The following IL15RA variants were observed in gnomAD, a reference collection of about 807,000 sequenced individuals.
The protein encoded by IL15RA is interleukin-15 receptor subunit alpha.
A neutral mutation model predicts 24.2 loss-of-function variants in IL15RA; 26 were observed. That is an observed-to-expected ratio of 1.07 (90% CI 0.79 to 1.49). The LOEUF is 1.49. Among genes scored for constraint, IL15RA ranks in the 40% most tolerant of loss-of-function variants. IL15RA has a pLI of 0.00. For synonymous variants in IL15RA, 166 were observed against 157.6 expected, an observed-to-expected ratio of 1.05 and a Z score of -0.40; for missense variants, 354 against 356.4, an observed-to-expected ratio of 0.99 and a Z score of 0.05.
chr10:5,949,515 C>T (rs957590760), downstream of IL15RA, among the ~76,000 whole-genome samples: 10 of 152,096 alleles, frequency 6.6e-5, no homozygotes, highest in Admixed American at 5.9e-4. The surrounding 1 kb of genome is among the most constrained non-coding windows in gnomAD (Gnocchi z 4.4). Context: ...GAGACAAACC[C>T]GCAGTACTCG....
Position 5,960,531 on chromosome 10 carries a change from G to A in IL15RA, c.419C>T (p.Ala140Val), listed in dbSNP as rs3136616. The change falls in exon 4 of 7, where the codon GCG becomes GTG. Residue 140 changes from alanine (A) to valine (V), a missense_variant. Coordinates refer to ENST00000379977, the MANE Select transcript of IL15RA (RefSeq NM_002189.4). This position sits in a 1 kb window ranked among gnomAD's most constrained non-coding sequence, Gnocchi z 5.1. ...AASSPSSNNTAATTAAIVPGS... is the reference protein window; with the variant it reads ...AASSPSSNNTVATTAAIVPGS... ...CGGGACAATAGCTGCTGTTGTGGCCGCTGTGTTGTTTGAGCTGGGAGATGA... is the reference window on the plus strand; with the variant it reads ...CGGGACAATAGCTGCTGTTGTGGCCACTGTGTTGTTTGAGCTGGGAGATGA... 26 of 1,614,034 alleles carry A rather than the reference G, an allele frequency of 1.6e-5. No individual in the cohort carries two copies. Among genetic ancestry groups the A allele is most frequent in the East Asian group, 2.2e-5 (1 of 44,898 alleles).
Position 5,963,750 on chromosome 10 carries a change from A to G in IL15RA, c.375T>C (p.Ser125=). Residue 125 remains serine, a synonymous_variant, in exon 3 of 7, where the codon TCT becomes TCC. Transcript: ENST00000379977. The surrounding 1 kb of genome is among the most constrained non-coding windows in gnomAD (Gnocchi z 5.3). The stretch of plus-strand genomic sequence containing the variant: ...AGTTTCTGACCTTCCTACCTTTTCC[A>G]GAAGGGGAGAGGCTCTCTGGCTGTG... ...VTPQPESLSP[S]GKEPAASSPS... The G allele has an allele frequency of 6.6e-7, 1 of 1,515,482 alleles. No homozygotes were observed. Among genetic ancestry groups the G allele is most frequent in the South Asian group, 1.3e-5 (1 of 74,478 alleles). The allele number at this position is 1,515,482 out of a possible 1,614,324, so 93.9% of individuals were successfully genotyped here. A position where few individuals can be genotyped will look rare whatever the true frequency, so the allele number is the denominator to read the frequency against.
At position 5,960,313 on chromosome 10, in the gene IL15RA, T is replaced by C. The variant is rs1835284528; in HGVS notation, c.583+54A>G. ...GCCTTGTGCCGGATCTCAGCCCCGA[T>C]CTCAGAAGCAGCAATGGGGAACTGA... On this transcript the variant is annotated intron_variant, in intron 4 of 6. Transcript: ENST00000379977. This position sits in a 1 kb window ranked among gnomAD's most constrained non-coding sequence, Gnocchi z 5.1. 2.7e-6 allele frequency: 4 copies of C among 1,480,530 alleles called. No homozygotes were observed. In the Admixed American group the frequency reaches 5.0e-5, roughly 19 times the overall value. 91.7% of individuals were successfully genotyped at this position (1,480,530 alleles called of 1,614,324 possible).
upstream of IL15RA, chr10:5,977,780 C>T (rs986991165): frequency 3.4e-6 from 2 of 589,320 alleles, no homozygotes; most frequent in Non-Finnish European, 5.0e-6. Context: ...ACCTTACCCA[C>T]GCAAGCCCGG....
At chr10:5,949,218 G>A, downstream of IL15RA, 1 of 471,238 alleles carries the variant, frequency 2.1e-6, no homozygotes, top group South Asian at 1.5e-5. This position sits in a 1 kb window ranked among gnomAD's most constrained non-coding sequence, Gnocchi z 4.4. Flanking sequence ...GAGAGCCTCA[G>A]GTATGTCACT....
chr10:5,968,922 C>T lies in IL15RA; in HGVS notation c.89-2583G>A, dbSNP rs559347208. Reference sequence around the variant, plus strand: ...TCCCGCCAGGACAGCCAGCCTGTCTCTTGCATCTGTAACAGGTTTTGTACA... The same window carrying T: ...TCCCGCCAGGACAGCCAGCCTGTCTTTTGCATCTGTAACAGGTTTTGTACA... On this transcript the variant is annotated intron_variant, in intron 1 of 6. Coordinates refer to ENST00000379977, the MANE Select transcript of IL15RA (RefSeq NM_002189.4). This position sits in a 1 kb window ranked among gnomAD's most constrained non-coding sequence, Gnocchi z 5.4. The T allele has an allele frequency of 3.3e-5, 51 of 1,526,400 alleles. 3 individuals are homozygous for T. The South Asian group carries it at 6.1e-4, about 18-fold the overall frequency. 94.6% of individuals were successfully genotyped at this position (1,526,400 alleles called of 1,614,324 possible). A position where few individuals can be genotyped will look rare whatever the true frequency, so the allele number is the denominator to read the frequency against.
In IL15RA at chr10:5,952,885, C is replaced by T. The variant is rs918560320; in HGVS notation, c.*210G>A. 1.7e-6 allele frequency: 1 copy of T among 603,040 alleles called. No individual in the cohort carries two copies. Among genetic ancestry groups the T allele is most frequent in the Non-Finnish European group, 3.0e-6 (1 of 338,748 alleles). The allele number at this position is 603,040 out of a possible 1,614,324, so 37.4% of individuals were successfully genotyped here. On this transcript the variant is annotated 3_prime_UTR_variant, in exon 7 of 7. Transcript: ENST00000379977. The stretch of plus-strand genomic sequence containing the variant: ...GGCCCTGGGTCCAAGGCACGACAGG[C>T]AGGCAGGTGGTGCCCATGGGAATGC...
In IL15RA at chr10:5,959,898, C is replaced by T. The variant is rs185487277; in HGVS notation, c.584-112G>A. The T allele has an allele frequency of 6.1e-5, 58 of 946,392 alleles. No individual in the cohort carries two copies. The African/African-American group carries it at 6.1e-4, about 10-fold the overall frequency. The allele number at this position is 946,392 out of a possible 1,614,324, so 58.6% of individuals were successfully genotyped here. A position where few individuals can be genotyped will look rare whatever the true frequency, so the allele number is the denominator to read the frequency against. ...TCCCATCTTAGCACCCTGGGAGACT[C>T]GTGGCTGGCGTAACCAGACTCATTT... On this transcript the variant is annotated intron_variant, in intron 4 of 6. Coordinates refer to ENST00000379977, the MANE Select transcript of IL15RA (RefSeq NM_002189.4). This position sits in a 1 kb window ranked among gnomAD's most constrained non-coding sequence, Gnocchi z 4.1.
At position 5,970,928 on chromosome 10, in the gene IL15RA, T is replaced by C. The variant is rs1474597584; in HGVS notation, c.89-4589A>G. Among the ~76,000 whole-genome samples the C allele has an allele frequency of 7.2e-6, 1 of 138,742 alleles. No individual in the cohort carries two copies. The highest frequency in any genetic ancestry group is 2.6e-5 in the African/African-American group (1 of 38,178). 91.0% of individuals were successfully genotyped at this position (138,742 alleles called of 152,430 possible). A position where few individuals can be genotyped will look rare whatever the true frequency, so the allele number is the denominator to read the frequency against. Reference sequence around the variant, plus strand: ...GGCACATGCCACCATACCTGGCTAATTTTTTTTTTCCTAGAGATGGGGTCT... The same window carrying C: ...GGCACATGCCACCATACCTGGCTAACTTTTTTTTTCCTAGAGATGGGGTCT... On this transcript the variant is annotated intron_variant, in intron 1 of 6. Transcript: ENST00000379977. This position sits in a 1 kb window ranked among gnomAD's most constrained non-coding sequence, Gnocchi z 4.1.
At chr10:5,977,555 G>T (rs990241137), upstream of IL15RA, 4 of 1,274,600 alleles carry the variant, frequency 3.1e-6, no homozygotes, top group Non-Finnish European at 4.0e-6. Flanking sequence ...CCGGGGGGAG[G>T]TGGCGAGCGC....
rs1835249014 is a variant in IL15RA at position 5,960,132 on chromosome 10, C to T, written c.583+235G>A. ...CTGCCATGCGGGTGATAAGGCTGGC[C>T]CTGTCACATCTTGGGGGGGTGTGGG... On this transcript the variant is annotated intron_variant, in intron 4 of 6. Transcript: ENST00000379977. The surrounding 1 kb of genome is among the most constrained non-coding windows in gnomAD (Gnocchi z 5.1). 6.6e-6 allele frequency among the ~76,000 whole-genome samples: 1 copy of T among 152,198 alleles called. No homozygotes were observed. The highest frequency in any genetic ancestry group is 2.1e-4 in the South Asian group (1 of 4,832).
rs1412136865 is a variant in IL15RA, at chr10:5,968,223, T to C, written c.89-1884A>G. Among the ~76,000 whole-genome samples the C allele has an allele frequency of 2.6e-5, 4 of 151,564 alleles. No homozygotes were observed. Among genetic ancestry groups the C allele is most frequent in the Non-Finnish European group, 5.9e-5 (4 of 67,934 alleles). ...CTGGGCAAAGGACACAGTGGGTGAGTCACAAGAGAGCCATCACCTAAGTCC... is the reference window on the plus strand; with the variant it reads ...CTGGGCAAAGGACACAGTGGGTGAGCCACAAGAGAGCCATCACCTAAGTCC... On this transcript the variant is annotated intron_variant, in intron 1 of 6. Coordinates refer to ENST00000379977, the MANE Select transcript of IL15RA (RefSeq NM_002189.4). This position sits in a 1 kb window ranked among gnomAD's most constrained non-coding sequence, Gnocchi z 5.4.
Position 5,968,598 on chromosome 10 carries a change from A to T in IL15RA, c.89-2259T>A. The T allele has an allele frequency of 1.7e-6, 1 of 589,860 alleles. No individual in the cohort carries two copies. The highest frequency in any genetic ancestry group is 3.0e-6 in the Non-Finnish European group (1 of 330,736). The allele number at this position is 589,860 out of a possible 1,614,324, so 36.5% of individuals were successfully genotyped here. A position where few individuals can be genotyped will look rare whatever the true frequency, so the allele number is the denominator to read the frequency against. ...TGCTGCTGTTGCTATGGTTACCTGCAGAGCCCCACTGGCTTTGAGGCCTCT... is the reference window on the plus strand; with the variant it reads ...TGCTGCTGTTGCTATGGTTACCTGCTGAGCCCCACTGGCTTTGAGGCCTCT... On this transcript the variant is annotated intron_variant, in intron 1 of 6. Coordinates refer to ENST00000379977, the MANE Select transcript of IL15RA (RefSeq NM_002189.4). This position sits in a 1 kb window ranked among gnomAD's most constrained non-coding sequence, Gnocchi z 5.4.
chr10:5,968,901 G>T lies in IL15RA; in HGVS notation c.89-2562C>A, dbSNP rs8177777. ...GCTTTCAGATATTCTGCTCCTTCCC[G>T]CCAGGACAGCCAGCCTGTCTCTTGC... On this transcript the variant is annotated intron_variant, in intron 1 of 6. Coordinates refer to ENST00000379977, the MANE Select transcript of IL15RA (RefSeq NM_002189.4). The surrounding 1 kb of genome is among the most constrained non-coding windows in gnomAD (Gnocchi z 5.4). 3.4e-6 allele frequency: 5 copies of T among 1,449,616 alleles called. No homozygotes were observed. In the East Asian group the frequency reaches 7.4e-5, roughly 21 times the overall value. The allele number at this position is 1,449,616 out of a possible 1,614,324, so 89.8% of individuals were successfully genotyped here.
In IL15RA at chr10:5,962,951, C is replaced by T. The variant is rs1290086939; in HGVS notation, c.382+792G>A. Among the ~76,000 whole-genome samples the T allele has an allele frequency of 1.3e-5, 2 of 152,202 alleles. No homozygotes were observed. ...CTGAGGAAATTGGGCCTGACAAGCACCAAAGACTCTGTTGAAACACAGGAC... is the reference window on the plus strand; with the variant it reads ...CTGAGGAAATTGGGCCTGACAAGCATCAAAGACTCTGTTGAAACACAGGAC... On this transcript the variant is annotated intron_variant, in intron 3 of 6. Coordinates refer to ENST00000379977, the MANE Select transcript of IL15RA (RefSeq NM_002189.4). This position sits in a 1 kb window ranked among gnomAD's most constrained non-coding sequence, Gnocchi z 5.2.
upstream of IL15RA, chr10:5,978,247 G>A (rs1022720400): frequency 3.3e-5 from 5 of 152,694 alleles, no homozygotes; most frequent in Non-Finnish European, 7.3e-5. The surrounding 1 kb of genome is among the most constrained non-coding windows in gnomAD (Gnocchi z 5.2). Flanking sequence ...GGAGAAGGGG[G>A]AGAGGAGCCA....
chr10:5,970,886 G>A lies in IL15RA; in HGVS notation c.89-4547C>T, dbSNP rs1250701567. On this transcript the variant is annotated intron_variant, in intron 1 of 6. Transcript: ENST00000379977. This position sits in a 1 kb window ranked among gnomAD's most constrained non-coding sequence, Gnocchi z 4.1. ...AGCAATCCTCCTGCCTCAGCCTCCCGAGTAGCTGGGACTAGAGGCACATGC... is the reference window on the plus strand; with the variant it reads ...AGCAATCCTCCTGCCTCAGCCTCCCAAGTAGCTGGGACTAGAGGCACATGC... Among the ~76,000 whole-genome samples the A allele has an allele frequency of 9.9e-5, 15 of 151,930 alleles. No individual in the cohort carries two copies. Among genetic ancestry groups the A allele is most frequent in the African/African-American group, 2.2e-4 (9 of 41,472 alleles).
rs1210056009 is a variant in IL15RA at position 5,966,764 on chromosome 10, A to G, written c.89-425T>C. Among the ~76,000 whole-genome samples the G allele has an allele frequency of 6.6e-6, 1 of 152,060 alleles. No individual in the cohort carries two copies. Among genetic ancestry groups the G allele is most frequent in the East Asian group, 1.9e-4 (1 of 5,166 alleles). On this transcript the variant is annotated intron_variant, in intron 1 of 6. Coordinates refer to ENST00000379977, the MANE Select transcript of IL15RA (RefSeq NM_002189.4). This position sits in a 1 kb window ranked among gnomAD's most constrained non-coding sequence, Gnocchi z 6.4. ...TCTGCGGCCAGCATCACCTTTAGAA[A>G]TGCATCTTTGAGCCTGGCCAACATG... is the stretch of plus-strand genomic sequence containing the variant.
chr10:5,966,525 C>T lies in IL15RA; in HGVS notation c.89-186G>A, dbSNP rs966823245. Among the ~76,000 whole-genome samples the T allele has an allele frequency of 3.3e-5, 5 of 152,088 alleles. No individual in the cohort carries two copies. Among genetic ancestry groups the T allele is most frequent in the African/African-American group, 7.2e-5 (3 of 41,386 alleles). On this transcript the variant is annotated intron_variant, in intron 1 of 6. Coordinates refer to ENST00000379977, the MANE Select transcript of IL15RA (RefSeq NM_002189.4). This position sits in a 1 kb window ranked among gnomAD's most constrained non-coding sequence, Gnocchi z 6.4. ...TCACCCAGAAGCCTTCCTGGAGCCT[C>T]GCCTGAAGTGCCAGTCAGCCAGCAA... is the stretch of plus-strand genomic sequence containing the variant.
Sources: allele counts gnomAD v4.1 joint callset (sites outside exome capture counted in the v4.1 genomes callset), GRCh38; gene constraint gnomAD v4.1.1; non-coding constraint Gnocchi (gnomAD v3.1); transcripts MANE v1.5; gene names NCBI Gene and HGNC (gene_info 2026-07-23, HGNC 2026-07-21).